Variants in PPFIBP2 observed in about 807,000 individuals in gnomAD.
The protein encoded by PPFIBP2 is PPFIB scaffold protein 2.
In PPFIBP2, 118 loss-of-function variants were observed where a neutral mutation model predicts 118.3. The ratio of observed to expected loss-of-function variants is 1.00; its 90% CI spans 0.86 to 1.16. The LOEUF (loss-of-function observed/expected upper bound fraction) is 1.16. PPFIBP2 is among the 50% of genes most tolerant of loss of function. PPFIBP2 has a pLI of 0.00. For synonymous variants in PPFIBP2, 414 were observed against 397.4 expected (o/e 1.04, Z -0.50); for missense variants, 1,195 against 1,073.1 (o/e 1.11, Z -1.59).
At chr11:7,562,365 G>A (rs1854396407) in intron 2 of PPFIBP2, among the ~76,000 whole-genome samples, 1 of 152,198 alleles carries the variant, frequency 6.6e-6, no homozygotes, top group Non-Finnish European at 1.5e-5. Flanking sequence ...CCATAGGGAT[G>A]ATTGAGTGTC....
At chr11:7,602,064 G>T (rs1227986144) in intron 5 of PPFIBP2, among the ~76,000 whole-genome samples, 2 of 129,762 alleles carry the variant, frequency 1.5e-5, no homozygotes. Context: ...TTGCACTCCA[G>T]CCTGGGCAAC....
chr11:7,585,105 A>G (rs1357182518), intron 3 of PPFIBP2, among the ~76,000 whole-genome samples: 1 of 152,226 alleles, frequency 6.6e-6, no homozygotes, highest in Non-Finnish European at 1.5e-5. Flanking sequence ...GCCATCATAT[A>G]ATTTAACATG....
the PPFIBP2 span, among the ~76,000 whole-genome samples, chr11:7,664,702 G>GTA: frequency 2.0e-5 from 3 of 151,874 alleles, no homozygotes; most frequent in Non-Finnish European, 4.4e-5. Flanking sequence ...GCCCTGGAGT[G>GTA]TGTCCTGGAG....
At chr11:7,618,163 G>C (rs1274732827) in intron 6 of PPFIBP2, among the ~76,000 whole-genome samples, 1 of 152,152 alleles carries the variant, frequency 6.6e-6, no homozygotes, top group African/African-American at 2.4e-5. Context: ...GAAGGGATTT[G>C]GTTGGAAAGA....
At position 7,645,079 on chromosome 11, in the gene PPFIBP2, G is replaced by GT. The variant is rs1852853387; in HGVS notation, c.1646+2657dup. On this transcript the variant is annotated intron_variant, in intron 17 of 23. Coordinates refer to ENST00000299492, the MANE Select transcript of PPFIBP2 (RefSeq NM_003621.5). ...AAAAAAGGTATTTTAAACACAACCA[G>GT]TTTTAAGACTGCTGACTATTTTTAC... is the stretch of plus-strand genomic sequence containing the variant. Among the ~76,000 whole-genome samples, 3 of 140,714 alleles carry GT rather than the reference G, an allele frequency of 2.1e-5. No individual in the cohort carries two copies. In the Admixed American group the frequency reaches 2.1e-4, roughly 10 times the overall value. The allele number at this position is 140,714 out of a possible 152,430, so 92.3% of individuals were successfully genotyped here. A position where few individuals can be genotyped will look rare whatever the true frequency, so the allele number is the denominator to read the frequency against.
intron 4 of PPFIBP2, among the ~76,000 whole-genome samples, chr11:7,595,633 A>G (rs931392136): frequency 2.0e-5 from 3 of 152,104 alleles, no homozygotes; most frequent in Non-Finnish European, 4.4e-5. Context: ...GTGTCTGTTA[A>G]GTGATCACTG....
intron 2 of PPFIBP2, among the ~76,000 whole-genome samples, chr11:7,563,147 T>G (rs1854538301): frequency 6.6e-6 from 1 of 151,854 alleles, no homozygotes; most frequent in African/African-American, 2.4e-5. Context: ...ATAAAGTTAA[T>G]GAAAACCCAG....
intron 1 of PPFIBP2, among the ~76,000 whole-genome samples, chr11:7,537,782 C>T (rs1392204590): frequency 1.3e-5 from 2 of 152,112 alleles, no homozygotes; most frequent in South Asian, 2.1e-4. Context: ...CAATTCTTCC[C>T]AAAGGCACAG....
chr11:7,605,485 A>G (rs1847225957), intron 5 of PPFIBP2, among the ~76,000 whole-genome samples: 1 of 152,346 alleles, frequency 6.6e-6, no homozygotes, highest in African/African-American at 2.4e-5. Flanking sequence ...AAATTTGTAC[A>G]GAAACCAACT....
intron 17 of PPFIBP2, among the ~76,000 whole-genome samples, chr11:7,644,113 C>CATT (rs10579334): frequency 2.6e-5 from 4 of 151,870 alleles, no homozygotes; most frequent in African/African-American, 9.7e-5. Flanking sequence ...CATTTTTGTT[C>CATT]ATTATTATTA....
chr11:7,637,632 A>G (rs1013982277), intron 14 of PPFIBP2, among the ~76,000 whole-genome samples: 1 of 152,228 alleles, frequency 6.6e-6, no homozygotes, highest in Non-Finnish European at 1.5e-5. Context: ...CTGTTCCCCT[A>G]CAGCCAGGAG....
chr11:7,620,866 A>G lies in PPFIBP2; in HGVS notation c.619-69A>G, dbSNP rs1590644774. ...TGCTGCACCCCATATGCATGAGCTTAACCAGGTTGGTAAATCAAGAGCACA... is the reference window on the plus strand; with the variant it reads ...TGCTGCACCCCATATGCATGAGCTTGACCAGGTTGGTAAATCAAGAGCACA... On this transcript the variant is annotated intron_variant, in intron 6 of 23. Transcript: ENST00000299492. The G allele has an allele frequency of 6.1e-6, 7 of 1,150,600 alleles. No homozygotes were observed. In the East Asian group the frequency reaches 1.6e-4, roughly 27 times the overall value. The allele number at this position is 1,150,600 out of a possible 1,614,324, so 71.3% of individuals were successfully genotyped here.
At chr11:7,625,630 G>A (rs2135690866) in intron 7 of PPFIBP2, 147 bp from the exon 8 acceptor site, 2 of 637,494 alleles carry the variant, frequency 3.1e-6, no homozygotes, top group Non-Finnish European at 5.6e-6. Flanking sequence ...CCTGTGGAGA[G>A]GGCAGTGAGC....
chr11:7,609,393 G>A (rs531784268), intron 5 of PPFIBP2, among the ~76,000 whole-genome samples: 8 of 152,222 alleles, frequency 5.3e-5, no homozygotes, highest in African/African-American at 9.6e-5. Flanking sequence ...ACCATGTGCC[G>A]GGATTTTGGA....
At chr11:7,516,582 G>A (rs1849246693) in intron 1 of PPFIBP2, among the ~76,000 whole-genome samples, 1 of 152,086 alleles carries the variant, frequency 6.6e-6, no homozygotes, top group African/African-American at 2.4e-5. Context: ...CTGTTTTAAC[G>A]AGCGCCTGGG....
intron 23 of PPFIBP2, 56 bp from the exon 24 acceptor site, chr11:7,652,968 A>G (rs1854269245): frequency 1.3e-6 from 2 of 1,533,410 alleles, no homozygotes; most frequent in African/African-American, 1.4e-5. Context: ...ATTGTCAGTC[A>G]TACCTGCACA....
intron 3 of PPFIBP2, among the ~76,000 whole-genome samples, chr11:7,583,221 T>G (rs895149371): frequency 6.6e-6 from 1 of 152,218 alleles, no homozygotes; most frequent in Non-Finnish European, 1.5e-5. Context: ...CATTTTCCTT[T>G]GTATTCATTT....
chr11:7,645,966 G>T (rs1329259189), intron 17 of PPFIBP2, among the ~76,000 whole-genome samples: 1 of 152,126 alleles, frequency 6.6e-6, no homozygotes, highest in East Asian at 1.9e-4. Context: ...GATAAAATGA[G>T]CATTGAAATT....
intron 4 of PPFIBP2, chr11:7,597,240 T>A (rs773855237): frequency 3.5e-5 from 53 of 1,529,974 alleles, no homozygotes; most frequent in Non-Finnish European, 4.5e-5. Flanking sequence ...GGGGCTGTTC[T>A]GGAAGAGGAA....
Sources: gnomAD v4.1 joint callset for allele counts (sites outside exome capture counted in the v4.1 genomes callset) on GRCh38, gnomAD v4.1.1 for gene constraint, MANE v1.5 for transcripts, NCBI Gene and HGNC (gene_info 2026-07-23, HGNC 2026-07-21) for gene names.